LCOR: variants seen among roughly 807,000 people sequenced by gnomAD.
LCOR encodes the protein ligand-dependent corepressor.
Under a neutral mutation model 64.4 loss-of-function variants are expected in LCOR, and 14 were observed. The ratio of observed to expected loss-of-function variants is 0.22; its 90% CI spans 0.14 to 0.34. The LOEUF (loss-of-function observed/expected upper bound fraction) is 0.34, where lower values mean the gene tolerates loss of function less well. Among genes scored for constraint, LCOR ranks in the 10% least tolerant of loss-of-function variants. The pLI, the probability that LCOR is intolerant of heterozygous loss-of-function variation, is 1.00. For missense variants in LCOR, 1,686 were observed against 1,765.3 expected (o/e 0.96, Z 0.80); for synonymous variants, 643 against 642.5 (o/e 1.00, Z -0.01).
At chr10:96,933,440 G>A (rs1045049081) in intron 4 of LCOR, among the ~76,000 whole-genome samples, 14 of 152,106 alleles carry the variant, frequency 9.2e-5, no homozygotes, top group South Asian at 2.1e-4. Context: ...TTATATAGAG[G>A]AATAAAAGAC....
chr10:96,956,405 A>G (rs986338923), intron 7 of LCOR: 4 of 985,010 alleles, frequency 4.1e-6, no homozygotes, highest in South Asian at 4.7e-5. Context: ...CTACGATTCA[A>G]CTAATCGAAG....
intron 4 of LCOR, among the ~76,000 whole-genome samples, chr10:96,911,141 A>C (rs1020165030): frequency 5.6e-5 from 7 of 125,700 alleles, no homozygotes; most frequent in Admixed American, 1.0e-4. Context: ...TCTGTTGCCC[A>C]GGCTGGGGTG....
chr10:96,844,660 C>T (rs1281187802), intron 2 of LCOR, among the ~76,000 whole-genome samples: 1 of 151,906 alleles, frequency 6.6e-6, no homozygotes, highest in African/African-American at 2.4e-5. Flanking sequence ...TGAATGTTTC[C>T]ACTGGCTTAA....
chr10:96,917,042 T>C (rs1348268076), intron 4 of LCOR, among the ~76,000 whole-genome samples: 2 of 152,214 alleles, frequency 1.3e-5, no homozygotes, highest in Non-Finnish European at 2.9e-5. Context: ...CCAGAGACGT[T>C]TGGTATAGAT....
chr10:96,984,808 A>G lies in LCOR; in HGVS notation c.4348A>G (p.Thr1450Ala). 6.2e-7 allele frequency: 1 copy of G among 1,614,098 alleles called. No homozygotes were observed. The highest frequency in any genetic ancestry group is 1.1e-5 in the South Asian group (1 of 91,076). Residue 1450 changes from threonine (T) to alanine (A), a missense_variant, in exon 8 of 8, where the codon ACG becomes GCG. Thr to Ala is a moderately conservative substitution (Grantham distance 58). This residue lies in a region of LCOR where 1,293 missense variants were observed against 1,410.4 expected (regional missense o/e 0.92). Coordinates refer to ENST00000421806, the MANE Select transcript of LCOR (RefSeq NM_001346516.2). Reference protein sequence around the residue: ...RDRSSQPPKKTSLKENKVKIP... With the variant: ...RDRSSQPPKKASLKENKVKIP... ...CAGAAGCAGCCAACCCCCCAAAAAG[A>G]CGTCTTTGAAAGAGAATAAAGTGAA...
intron 4 of LCOR, among the ~76,000 whole-genome samples, chr10:96,919,606 C>T (rs1847013396): frequency 6.6e-6 from 1 of 152,092 alleles, no homozygotes; most frequent in Non-Finnish European, 1.5e-5. Flanking sequence ...CTCCAGAACT[C>T]TCTTCATCTT....
At chr10:96,902,101 TCTG>T (rs1276832766) in intron 2 of LCOR, among the ~76,000 whole-genome samples, 1 of 151,966 alleles carries the variant, frequency 6.6e-6, no homozygotes, top group Non-Finnish European at 1.5e-5. Flanking sequence ...GCATTTGTTC[TCTG>T]CTATTTTATT....
At chr10:96,842,520 T>C (rs887259818) in intron 2 of LCOR, among the ~76,000 whole-genome samples, 7 of 152,312 alleles carry the variant, frequency 4.6e-5, no homozygotes, top group Admixed American at 2.0e-4. Flanking sequence ...TGTTTCACTT[T>C]ACAACATAAT....
chr10:96,885,673 G>C, intron 2 of LCOR, among the ~76,000 whole-genome samples: 1 of 150,826 alleles, frequency 6.6e-6, no homozygotes, highest in East Asian at 1.9e-4. Flanking sequence ...TGAGATTACA[G>C]GTGTGAGCCA....
At chr10:96,978,346 T>G (rs1453480129) in intron 7 of LCOR, among the ~76,000 whole-genome samples, 4 of 152,244 alleles carry the variant, frequency 2.6e-5, no homozygotes, top group Admixed American at 6.5e-5. Flanking sequence ...AGGAGCTTAT[T>G]CCATATGCTG....
chr10:96,847,891 G>A (rs951514528), intron 2 of LCOR, among the ~76,000 whole-genome samples: 20 of 152,200 alleles, frequency 1.3e-4, no homozygotes, highest in African/African-American at 3.1e-4. Context: ...CAAGATAGCA[G>A]AGGATTGAAG....
intron 2 of LCOR, among the ~76,000 whole-genome samples, chr10:96,869,856 T>C (rs1348842122): frequency 6.6e-6 from 1 of 152,150 alleles, no homozygotes. Context: ...ATTACAGGCA[T>C]AAGCCACTGT....
intron 2 of LCOR, among the ~76,000 whole-genome samples, chr10:96,897,370 G>A (rs893647739): frequency 1.3e-5 from 2 of 152,132 alleles, no homozygotes; most frequent in African/African-American, 4.8e-5. Context: ...ACGGATTGTG[G>A]CCTATGGATT....
At chr10:96,837,650 A>G (rs1025877351) in intron 2 of LCOR, among the ~76,000 whole-genome samples, 1 of 152,228 alleles carries the variant, frequency 6.6e-6, no homozygotes, top group African/African-American at 2.4e-5. Flanking sequence ...TATGCCTTCC[A>G]TTGCTGTTAC....
intron 2 of LCOR, among the ~76,000 whole-genome samples, chr10:96,877,537 A>G (rs1404155355): frequency 6.6e-6 from 1 of 151,868 alleles, no homozygotes; most frequent in Non-Finnish European, 1.5e-5. Flanking sequence ...AAAATAAGTA[A>G]AATAAAAATA....
intron 7 of LCOR, among the ~76,000 whole-genome samples, chr10:96,978,749 T>G (rs1031431878): frequency 6.6e-6 from 1 of 152,232 alleles, no homozygotes; most frequent in Non-Finnish European, 1.5e-5. Flanking sequence ...TTGACTAATT[T>G]CTTGGTTTTG....
rs1491204310 is a variant in LCOR, at chr10:96,989,696, T to TATATATATATATATATA, written c.*4562_*4563insATATATATATATATATA. The TATATATATATATATATA allele has an allele frequency of 9.3e-5, 6 of 64,624 alleles. No individual in the cohort carries two copies. Among genetic ancestry groups the TATATATATATATATATA allele is most frequent in the African/African-American group, 4.4e-4 (4 of 9,058 alleles). The allele number at this position is 64,624 out of a possible 1,614,324, so 4.0% of individuals were successfully genotyped here. A position where few individuals can be genotyped will look rare whatever the true frequency, so the allele number is the denominator to read the frequency against. ...AAGGATATATATATATATATATATA[T>TATATATATATATATATA]TTTTTTTTTTTTTTTTTTTTTTTAA... On this transcript the variant is annotated 3_prime_UTR_variant, in exon 8 of 8. Transcript: ENST00000421806.
chr10:96,925,242 A>G (rs1054130403), intron 4 of LCOR, among the ~76,000 whole-genome samples: 1 of 151,768 alleles, frequency 6.6e-6, no homozygotes, highest in African/African-American at 2.4e-5. Flanking sequence ...CGCTCAGCTA[A>G]TTTTTGTATT....
At chr10:96,942,303 C>G (rs1230277311) in intron 4 of LCOR, among the ~76,000 whole-genome samples, 1 of 152,084 alleles carries the variant, frequency 6.6e-6, no homozygotes, top group Admixed American at 6.5e-5. Flanking sequence ...ACCAGTCAGG[C>G]GTGGCGGCGC....
Sources: allele counts gnomAD v4.1 joint callset (sites outside exome capture counted in the v4.1 genomes callset), GRCh38; gene constraint gnomAD v4.1.1; regional missense constraint gnomAD v4.1.1; transcripts MANE v1.5; gene names NCBI Gene and HGNC (gene_info 2026-07-23, HGNC 2026-07-21).